DNAH7: variants seen among roughly 807,000 people sequenced by gnomAD.
DNAH7 encodes dynein axonemal heavy chain 7, also known as axonemal beta dynein heavy chain 7.
DNAH7 carries 397 observed loss-of-function variants against 444.6 expected under a neutral mutation model. That is an observed-to-expected ratio of 0.89 (90% CI 0.82 to 0.97). DNAH7 has a LOEUF of 0.97. DNAH7 is among the 50% of genes least tolerant of loss of function. The probability of loss-of-function intolerance (pLI) is 0.00; values close to 1 mark genes in which losing one functional copy is unlikely to be tolerated. For synonymous variants in DNAH7, 1,636 were observed against 1,624.4 expected (o/e 1.01, Z -0.17); for missense variants, 4,902 against 4,800.8 (o/e 1.02, Z -0.62).
chr2:195,786,149 C>T (rs113431068), intron 58 of DNAH7, among the ~76,000 whole-genome samples: 326 of 152,276 alleles, frequency 2.1e-3, no homozygotes, highest in African/African-American at 7.3e-3. Flanking sequence ...TGTTCAGTTT[C>T]TTCTTTACTT....
chr2:195,941,061 C>A (rs9808178), intron 19 of DNAH7, among the ~76,000 whole-genome samples: 5,202 of 151,970 alleles, frequency 0.034, 291 homozygotes, highest in African/African-American at 0.12. Flanking sequence ...TACCATAAAG[C>A]CACAAGCACA....
intron 35 of DNAH7, 42 bp from the exon 36 acceptor site, chr2:195,882,034 C>G (rs1382771510): frequency 6.5e-7 from 1 of 1,531,126 alleles, no homozygotes; most frequent in Non-Finnish European, 9.0e-7. Flanking sequence ...CTATAAAATA[C>G]TTTAAAAAGC....
intron 9 of DNAH7, among the ~76,000 whole-genome samples, chr2:196,017,182 T>G (rs908649908): frequency 1.3e-5 from 2 of 152,018 alleles, no homozygotes; most frequent in African/African-American, 2.4e-5. Flanking sequence ...ACCCAGCTAA[T>G]TTTTGTATTT....
chr2:195,749,315 T>TA (rs1210644348), intron 63 of DNAH7, among the ~76,000 whole-genome samples: 2 of 151,100 alleles, frequency 1.3e-5, no homozygotes, highest in East Asian at 3.9e-4. Context: ...TGGCAATCAT[T>TA]AAAAAGTCAG....
chr2:195,844,833 T>C (rs181627920), intron 47 of DNAH7, among the ~76,000 whole-genome samples, 169 bp downstream of exon 47: 2 of 152,318 alleles, frequency 1.3e-5, no homozygotes, highest in Non-Finnish European at 2.9e-5. Context: ...AATACTCAAC[T>C]ATTATAATAT....
chr2:195,949,088 T>C (rs2125469504), intron 19 of DNAH7, among the ~76,000 whole-genome samples: 1 of 152,278 alleles, frequency 6.6e-6, no homozygotes, highest in South Asian at 2.1e-4. Context: ...GATTTGGCTG[T>C]TTGTCTATTA....
In DNAH7 at chr2:195,888,852, G is replaced by A; in HGVS notation, c.5176C>T (p.Gln1726Ter). 1 of 1,613,812 alleles carries A rather than the reference G, an allele frequency of 6.2e-7. No individual in the cohort carries two copies. The highest frequency in any genetic ancestry group is 8.5e-7 in the Non-Finnish European group (1 of 1,179,874). Reference protein sequence around the residue: ...MSGEIIQMSPQMNLIFEPMDL... With the variant: ...MSGEIIQMSP ...ATTGGCTCAAAAATTAGATTCATTT[G>A]TGGTGACATCTGAATAATCTCCCCA... The change falls in exon 32 of 65, where the codon CAA (glutamine) becomes TAA (stop). Residue 1726 changes from glutamine to a stop codon, truncating the protein, a stop_gained. Coordinates refer to ENST00000312428, the MANE Select transcript of DNAH7 (RefSeq NM_018897.3). LOFTEE classifies it high-confidence loss of function.
At chr2:195,785,015 C>T (rs1212572484) in intron 58 of DNAH7, among the ~76,000 whole-genome samples, 1 of 151,690 alleles carries the variant, frequency 6.6e-6, no homozygotes, top group Non-Finnish European at 1.5e-5. Context: ...GGTTTCACGC[C>T]ATTCTCCTGC....
chr2:195,936,347 C>T (rs1689051876), intron 20 of DNAH7, among the ~76,000 whole-genome samples: 2 of 152,054 alleles, frequency 1.3e-5, no homozygotes, highest in African/African-American at 4.8e-5. Context: ...GCACTCCAGC[C>T]TGGGAAACAA....
At chr2:195,819,480 G>C (rs1393669310) in intron 49 of DNAH7, among the ~76,000 whole-genome samples, 1 of 152,050 alleles carries the variant, frequency 6.6e-6, no homozygotes, top group Non-Finnish European at 1.5e-5. Flanking sequence ...TAAAATTTTA[G>C]TCACTTGATG....
At chr2:195,944,630 C>T (rs1431454271) in intron 19 of DNAH7, among the ~76,000 whole-genome samples, 3 of 152,108 alleles carry the variant, frequency 2.0e-5, no homozygotes, top group Non-Finnish European at 4.4e-5. Context: ...AATAAGTAAA[C>T]TATCTTTCAC....
rs150016237 is a variant in DNAH7 at position 195,738,727 on chromosome 2, A to ATCTT, written c.11869-604_11869-601dup. On this transcript the variant is annotated intron_variant, in intron 64 of 64. Transcript: ENST00000312428. Reference sequence around the variant, plus strand: ...AAAAATAAGATTTTGAGGCAGTTTGATCTTTGAATGTAAGAGTAAGAACAA... The same window carrying ATCTT: ...AAAAATAAGATTTTGAGGCAGTTTGATCTTTCTTTGAATGTAAGAGTAAGAACAA... Among the ~76,000 whole-genome samples the ATCTT allele has an allele frequency of 2.1e-3, 313 of 152,294 alleles. 3 individuals are homozygous for ATCTT. The highest frequency in any genetic ancestry group is 6.8e-3 in the African/African-American group (282 of 41,550).
At chr2:195,921,382 C>T (rs1688013924) in intron 24 of DNAH7, among the ~76,000 whole-genome samples, 1 of 151,578 alleles carries the variant, frequency 6.6e-6, no homozygotes, top group African/African-American at 2.4e-5. Flanking sequence ...CACACACACA[C>T]ACACACACAC....
chr2:195,747,097 G>T (rs1404826519), intron 63 of DNAH7, among the ~76,000 whole-genome samples: 1 of 151,998 alleles, frequency 6.6e-6, no homozygotes, highest in Admixed American at 6.6e-5. Flanking sequence ...TTGATAGACC[G>T]CTAGCAAGAC....
chr2:196,025,412 A>T (rs549359828), intron 7 of DNAH7, among the ~76,000 whole-genome samples: 126 of 152,038 alleles, frequency 8.3e-4, no homozygotes, highest in African/African-American at 3.0e-3. Flanking sequence ...ACTCTCCTTT[A>T]CCTTTAAGCG....
At chr2:195,837,094 C>A (rs1471420118) in intron 47 of DNAH7, among the ~76,000 whole-genome samples, 1 of 152,186 alleles carries the variant, frequency 6.6e-6, no homozygotes, top group Admixed American at 6.5e-5. Flanking sequence ...GCCGCATCAT[C>A]CAACTAAATT....
chr2:195,957,236 C>T, intron 19 of DNAH7, 25 bp downstream of exon 19: 3 of 1,451,604 alleles, frequency 2.1e-6, no homozygotes, highest in Non-Finnish European at 2.8e-6. Context: ...CAAATAATGA[C>T]ATTTTTGGAG....
At chr2:195,858,109 T>C (rs1248457400) in intron 43 of DNAH7, among the ~76,000 whole-genome samples, 1 of 152,178 alleles carries the variant, frequency 6.6e-6, no homozygotes, top group Non-Finnish European at 1.5e-5. Flanking sequence ...CTCTATAAGA[T>C]GTATTCCAAT....
chr2:195,816,106 A>C (rs1207262094), intron 51 of DNAH7, among the ~76,000 whole-genome samples: 3 of 152,236 alleles, frequency 2.0e-5, no homozygotes. Flanking sequence ...TCAGGTCTTA[A>C]TTCCATTACT....
Sources: gnomAD v4.1 joint callset for allele counts (sites outside exome capture counted in the v4.1 genomes callset) on GRCh38, gnomAD v4.1.1 for gene constraint, MANE v1.5 for transcripts, NCBI Gene and HGNC (gene_info 2026-07-23, HGNC 2026-07-21) for gene names.